CYP2C18: variants seen among roughly 807,000 people sequenced by gnomAD.
CYP2C18 encodes the protein cytochrome P450 2C18.
In CYP2C18, 38 loss-of-function variants were observed where a neutral mutation model predicts 41.3. The observed-to-expected ratio is 0.92, with a 90% confidence interval of 0.71 to 1.21. CYP2C18 has a LOEUF of 1.21. Among genes scored for constraint, CYP2C18 ranks in the 50% most tolerant of loss-of-function variants. The pLI, the probability that CYP2C18 is intolerant of heterozygous loss-of-function variation, is 0.00. For synonymous variants in CYP2C18, 236 were observed against 210.0 expected (o/e 1.12, Z -1.07); for missense variants, 635 against 591.4 (o/e 1.07, Z -0.77).
chr10:94,687,949 C>T lies in CYP2C18; in HGVS notation c.331+17C>T, dbSNP rs774677303. On this transcript the variant is annotated intron_variant, in intron 2 of 8. Transcript: ENST00000285979. Reference sequence around the variant, plus strand: ...AAGGACTTGGTAAATGTGCATGTATCGTGTGTATGTGTACATGTGTATGTA... The same window carrying T: ...AAGGACTTGGTAAATGTGCATGTATTGTGTGTATGTGTACATGTGTATGTA... 3.5e-5 allele frequency: 57 copies of T among 1,611,498 alleles called. No individual in the cohort carries two copies. Among genetic ancestry groups the T allele is most frequent in the Admixed American group, 2.8e-4 (17 of 59,900 alleles).
rs375267413 is a variant in CYP2C18 at position 94,688,263 on chromosome 10, G to C, written c.470G>C (p.Arg157Thr). ...EEARCLVEEL[R>T]KTNASPCDPT... ...GCCCGCTGCCTTGTGGAGGAGTTGA[G>C]AAAAACCAATGGTGGGTGACTTTTT... The change falls in exon 3 of 9, where the codon AGA (arginine) becomes ACA (threonine). Residue 157 changes from arginine to threonine, a missense_variant. Transcript: ENST00000285979. 1 of 1,607,972 alleles carries C rather than the reference G, an allele frequency of 6.2e-7. No homozygotes were observed. The highest frequency in any genetic ancestry group is 1.3e-5 in the African/African-American group (1 of 74,626).
At chr10:94,724,209 A>T in intron 6 of CYP2C18, 137 bp from the exon 7 acceptor site, 1 of 816,020 alleles carries the variant, frequency 1.2e-6, no homozygotes, top group Non-Finnish European at 2.0e-6. Flanking sequence ...TTTCTTCCCT[A>T]AGTCTAGGTG....
chr10:94,707,344 T>C (rs1847362414), intron 5 of CYP2C18, among the ~76,000 whole-genome samples: 1 of 152,186 alleles, frequency 6.6e-6, no homozygotes, highest in Non-Finnish European at 1.5e-5. Context: ...GGTGTAAATG[T>C]TAAAATATTT....
In CYP2C18 at chr10:94,713,333, C is replaced by T. The variant is rs190241055; in HGVS notation, c.819+6373C>T. Among the ~76,000 whole-genome samples, 569 of 150,920 alleles carry T rather than the reference C, an allele frequency of 3.8e-3. 1 individual carries two copies. Among genetic ancestry groups the T allele is most frequent in the Middle Eastern group, 0.021 (6 of 292 alleles). ...TCTCTTAATGCTATCCCTCCCCGCT[C>T]CCCCCACCCCACAATAGTCCCCCGT... On this transcript the variant is annotated intron_variant, in intron 5 of 8. Transcript: ENST00000285979.
At chr10:94,699,909 C>T (rs961175697) in intron 4 of CYP2C18, among the ~76,000 whole-genome samples, 2 of 152,124 alleles carry the variant, frequency 1.3e-5, no homozygotes, top group Non-Finnish European at 2.9e-5. Context: ...ACCTAGGAAT[C>T]CAACTTCCAA....
intron 7 of CYP2C18, among the ~76,000 whole-genome samples, chr10:94,726,331 A>C (rs907478995): frequency 3.3e-5 from 5 of 151,862 alleles, no homozygotes; most frequent in African/African-American, 1.2e-4. Flanking sequence ...TATTTCTCCT[A>C]ATGTTATCCC....
chr10:94,718,602 G>T (rs576057053), intron 5 of CYP2C18, among the ~76,000 whole-genome samples: 3 of 152,162 alleles, frequency 2.0e-5, no homozygotes, highest in African/African-American at 7.2e-5. Context: ...CTTGTGTTGA[G>T]GCTAGTTATT....
At chr10:94,730,513 T>G (rs1270125639) in intron 7 of CYP2C18, among the ~76,000 whole-genome samples, 2 of 152,132 alleles carry the variant, frequency 1.3e-5, no homozygotes, top group African/African-American at 4.8e-5. Flanking sequence ...TAAATGACAT[T>G]TTAAGTAAAT....
intron 4 of CYP2C18, among the ~76,000 whole-genome samples, chr10:94,698,910 C>T (rs1847175804): frequency 6.6e-6 from 1 of 152,042 alleles, no homozygotes; most frequent in East Asian, 1.9e-4. Flanking sequence ...ACACATACAC[C>T]CTCCCAAAAA....
chr10:94,721,148 G>A (rs560001347), intron 6 of CYP2C18, among the ~76,000 whole-genome samples: 58 of 152,036 alleles, frequency 3.8e-4, no homozygotes, highest in African/African-American at 1.3e-3. Context: ...TGAGTAGCTG[G>A]GATTACAGGT....
rs117789042 is a variant in CYP2C18 at position 94,730,874 on chromosome 10, A to G, written c.1150-2423A>G. ...GCACAAAAATCAATAGCATTTTTGT[A>G]TATCAATAATGTTCAAGCTGAGAGC... On this transcript the variant is annotated intron_variant, in intron 7 of 8. Coordinates refer to ENST00000285979, the MANE Select transcript of CYP2C18 (RefSeq NM_000772.3). 2.6e-3 allele frequency among the ~76,000 whole-genome samples: 398 copies of G among 152,258 alleles called. 12 individuals carry two copies. In the East Asian group the frequency reaches 0.061, roughly 23 times the overall value.
chr10:94,719,568 AT>A (rs1406578267), intron 5 of CYP2C18, among the ~76,000 whole-genome samples: 5 of 150,978 alleles, frequency 3.3e-5, no homozygotes, highest in Non-Finnish European at 3.0e-5. Flanking sequence ...CACCTGGTTA[AT>A]TTTTTGATTT....
chr10:94,724,244 A>G (rs1847694452), intron 6 of CYP2C18, 102 bp from the exon 7 acceptor site: 5 of 1,148,332 alleles, frequency 4.4e-6, no homozygotes, highest in Middle Eastern at 2.0e-4. Flanking sequence ...TAAGTTTATA[A>G]TGATGTTGGG....
At chr10:94,714,704 A>G (rs1050188267) in intron 5 of CYP2C18, among the ~76,000 whole-genome samples, 3 of 152,142 alleles carry the variant, frequency 2.0e-5, no homozygotes, top group African/African-American at 7.2e-5. Flanking sequence ...GTTTTTTCCA[A>G]TTCTGTGAAG....
chr10:94,698,383 T>TG (rs1175772630), intron 4 of CYP2C18, among the ~76,000 whole-genome samples: 2 of 152,086 alleles, frequency 1.3e-5, no homozygotes, highest in Non-Finnish European at 2.9e-5. Flanking sequence ...GAATGACTAC[T>TG]GGTACATAAT....
Position 94,727,781 on chromosome 10 carries a change from CATATA to C in CYP2C18, c.1149+3254_1149+3258del, listed in dbSNP as rs1275928541. Among the ~76,000 whole-genome samples, 9 of 152,120 alleles carry C rather than the reference CATATA, an allele frequency of 5.9e-5. No individual in the cohort carries two copies. The East Asian group carries it at 1.5e-3, about 26-fold the overall frequency. The stretch of plus-strand genomic sequence containing the variant: ...TATGTGTGTGTAGGTATATAGTATA[CATATA>C]ATATATGGAAATGTGCATACATCTA... On this transcript the variant is annotated intron_variant, in intron 7 of 8. Coordinates refer to ENST00000285979, the MANE Select transcript of CYP2C18 (RefSeq NM_000772.3).
chr10:94,716,898 G>T (rs907350090), intron 5 of CYP2C18, among the ~76,000 whole-genome samples: 24 of 152,136 alleles, frequency 1.6e-4, no homozygotes, highest in African/African-American at 4.8e-5. Context: ...AGGATAGTTA[G>T]CTCTTCTTGT....
intron 5 of CYP2C18, among the ~76,000 whole-genome samples, chr10:94,714,912 TC>T (rs1847512529): frequency 6.6e-6 from 1 of 152,194 alleles, no homozygotes; most frequent in Non-Finnish European, 1.5e-5. Context: ...GAAGTTGGAT[TC>T]CTGGGTATTT....
rs768785722 is a variant in CYP2C18, at chr10:94,688,188, G to T, written c.395G>T (p.Arg132Leu). The change falls in exon 3 of 9, where the codon CGG becomes CTG. Residue 132 changes from arginine (R) to leucine (L), a missense_variant. Coordinates refer to ENST00000285979, the MANE Select transcript of CYP2C18 (RefSeq NM_000772.3). The stretch of plus-strand genomic sequence containing the variant: ...CGGCGTTTCTGCCTCATGACTCTGC[G>T]GAATTTTGGGATGGGGAAGAGGAGC... ...EIRRFCLMTL[R>L]NFGMGKRSIE... The T allele has an allele frequency of 1.9e-5, 31 of 1,613,594 alleles. No homozygotes were observed. The highest frequency in any genetic ancestry group is 1.6e-4 in the East Asian group (7 of 44,864).
Sources: allele counts gnomAD v4.1 joint callset (sites outside exome capture counted in the v4.1 genomes callset), GRCh38; gene constraint gnomAD v4.1.1; transcripts MANE v1.5; gene names NCBI Gene and HGNC (gene_info 2026-07-23, HGNC 2026-07-21).